Variants in TTL observed in about 807,000 individuals in gnomAD.
The protein encoded by TTL is tubulin--tyrosine ligase.
A neutral mutation model predicts 41.1 loss-of-function variants in TTL; 10 were observed. The observed-to-expected ratio is 0.24, with a 90% CI of 0.15 to 0.41. The LOEUF is 0.41. Ranked by LOEUF, TTL falls within the 10% of genes least tolerant of loss-of-function variation. The probability of loss-of-function intolerance (pLI) is 1.00; values close to 1 mark genes in which losing one functional copy is unlikely to be tolerated. For synonymous variants in TTL, 175 were observed against 175.5 expected (o/e 1.00, Z 0.02); for missense variants, 367 against 460.4 (o/e 0.80, Z 1.86).
rs1402933064 is a variant in TTL at position 112,528,613 on chromosome 2, A to T, written c.1020-68A>T. 2.1e-6 allele frequency: 3 copies of T among 1,399,096 alleles called. No individual in the cohort carries two copies. In the South Asian group the frequency reaches 3.5e-5, roughly 16 times the overall value. The allele number at this position is 1,399,096 out of a possible 1,614,324, so 86.7% of individuals were successfully genotyped here. On this transcript the variant is annotated intron_variant, in intron 6 of 6. Coordinates refer to ENST00000233336, the MANE Select transcript of TTL (RefSeq NM_153712.5). ...AGCAAAACCCTGTCTCAAAAACAAA[A>T]AACATCTATTTTTTTTGCTTGTACT... is the stretch of plus-strand genomic sequence containing the variant.
rs1183722833 is a variant in TTL at position 112,534,163 on chromosome 2, AC to A, written c.*5369del. ...GTGAAACCCCATCTCTACTAAAAAT[AC>A]AAAAAATTAGCCGGGCGCGGTGGCA... is the stretch of plus-strand genomic sequence containing the variant. On this transcript the variant is annotated 3_prime_UTR_variant, in exon 7 of 7. Transcript: ENST00000233336. 2 of 152,240 alleles carry A rather than the reference AC, an allele frequency of 1.3e-5. No homozygotes were observed. The highest frequency in any genetic ancestry group is 2.9e-5 in the Non-Finnish European group (2 of 68,178). 9.4% of individuals were successfully genotyped at this position (152,240 alleles called of 1,614,324 possible).
At chr2:112,498,047 G>C (rs1308009315) in intron 3 of TTL, among the ~76,000 whole-genome samples, 1 of 152,162 alleles carries the variant, frequency 6.6e-6, no homozygotes, top group East Asian at 1.9e-4. Flanking sequence ...TACTTAGCTG[G>C]GCGCAGTGGC....
intron 5 of TTL, among the ~76,000 whole-genome samples, chr2:112,514,034 C>T (rs1432765853): frequency 1.3e-5 from 2 of 152,078 alleles, no homozygotes; most frequent in Admixed American, 1.3e-4. Context: ...TGTTGTTTCT[C>T]TTCCTTTCCT....
chr2:112,489,510 A>C (rs1170823481), intron 2 of TTL, among the ~76,000 whole-genome samples: 1 of 152,194 alleles, frequency 6.6e-6, no homozygotes, highest in Admixed American at 6.5e-5. Context: ...AAATTCACCA[A>C]CTCTTGTGTT....
At position 112,539,799 on chromosome 2, in the gene TTL, T is replaced by A. The variant is rs927838252; in HGVS notation, c.*11004T>A. 2 of 152,214 alleles carry A rather than the reference T, an allele frequency of 1.3e-5. No individual in the cohort carries two copies. Among genetic ancestry groups the A allele is most frequent in the Non-Finnish European group, 2.9e-5 (2 of 68,040 alleles). 9.4% of individuals were successfully genotyped at this position (152,214 alleles called of 1,614,324 possible). On this transcript the variant is annotated 3_prime_UTR_variant, in exon 7 of 7. Coordinates refer to ENST00000233336, the MANE Select transcript of TTL (RefSeq NM_153712.5). Reference sequence around the variant, plus strand: ...AAAGTCCTAAGAAATCCACTTACGCTGTTAGAACTAATAAAGAGTTTAGCA... The same window carrying A: ...AAAGTCCTAAGAAATCCACTTACGCAGTTAGAACTAATAAAGAGTTTAGCA...
Position 112,531,687 on chromosome 2 carries a change from T to TAA in TTL, c.*2902_*2903dup. ...GAAGAATTGCATAAGGCTTATGACT[T>TAA]AAAAAAAAAAATTCTTTTTGGAAAC... On this transcript the variant is annotated 3_prime_UTR_variant, in exon 7 of 7. Transcript: ENST00000233336. 3.9e-5 allele frequency: 8 copies of TAA among 207,526 alleles called. No homozygotes were observed. Among genetic ancestry groups the TAA allele is most frequent in the East Asian group, 7.5e-5 (1 of 13,326 alleles). The allele number at this position is 207,526 out of a possible 1,614,324, so 12.9% of individuals were successfully genotyped here.
Position 112,528,874 on chromosome 2 carries a change from A to C in TTL, c.*79A>C. 1 of 1,183,300 alleles carries C rather than the reference A, an allele frequency of 8.5e-7. No individual in the cohort carries two copies. Among genetic ancestry groups the C allele is most frequent in the Non-Finnish European group, 1.3e-6 (1 of 790,578 alleles). The allele number at this position is 1,183,300 out of a possible 1,614,324, so 73.3% of individuals were successfully genotyped here. ...TGGTGAAATGACTGGATTGCTCTTTATCCAGCCCACAGCAGGGGAAAGAAA... is the reference window on the plus strand; with the variant it reads ...TGGTGAAATGACTGGATTGCTCTTTCTCCAGCCCACAGCAGGGGAAAGAAA... On this transcript the variant is annotated 3_prime_UTR_variant, in exon 7 of 7. Transcript: ENST00000233336.
chr2:112,512,895 A>G (rs1447849531), intron 5 of TTL, among the ~76,000 whole-genome samples: 1 of 146,884 alleles, frequency 6.8e-6, no homozygotes, highest in African/African-American at 2.5e-5. Context: ...TATGTGAAAT[A>G]TTTTTAGAGT....
At chr2:112,490,281 G>A (rs1056277473) in intron 2 of TTL, among the ~76,000 whole-genome samples, 25 of 152,114 alleles carry the variant, frequency 1.6e-4, no homozygotes, top group African/African-American at 5.8e-4. Context: ...AGCTGGGCAT[G>A]GTGGTGTGCG....
chr2:112,484,691 G>A (rs1681192367), intron 1 of TTL, among the ~76,000 whole-genome samples: 1 of 152,146 alleles, frequency 6.6e-6, no homozygotes, highest in Non-Finnish European at 1.5e-5. Context: ...AAGATTTATA[G>A]AGCTAGGTAA....
chr2:112,525,574 T>C (rs893782834), intron 6 of TTL, among the ~76,000 whole-genome samples: 1 of 152,262 alleles, frequency 6.6e-6, no homozygotes, highest in African/African-American at 2.4e-5. Context: ...AGTTCACTCA[T>C]GATTTGGCTG....
rs1030133968 is a variant in TTL at position 112,482,970 on chromosome 2, C to T, written c.157+469C>T. The stretch of plus-strand genomic sequence containing the variant: ...GGCGGGGGAGCCGTAGGTGTTGAAA[C>T]CCCTGAGGCTTCTGCCCCCCGAAGG... On this transcript the variant is annotated intron_variant, in intron 1 of 6. Coordinates refer to ENST00000233336, the MANE Select transcript of TTL (RefSeq NM_153712.5). The surrounding 1 kb of genome is among the most constrained non-coding windows in gnomAD (Gnocchi z 5.3). Among the ~76,000 whole-genome samples, 2 of 152,218 alleles carry T rather than the reference C, an allele frequency of 1.3e-5. No individual in the cohort carries two copies. The highest frequency in any genetic ancestry group is 2.4e-5 in the African/African-American group (1 of 41,452).
In TTL at chr2:112,529,320, G is replaced by T. The variant is rs140114530; in HGVS notation, c.*525G>T. 1 of 232,298 alleles carries T rather than the reference G, an allele frequency of 4.3e-6. No individual in the cohort carries two copies. Among genetic ancestry groups the T allele is most frequent in the African/African-American group, 2.2e-5 (1 of 45,302 alleles). The allele number at this position is 232,298 out of a possible 1,614,324, so 14.4% of individuals were successfully genotyped here. ...GTGCACTGGCCTCTCGGCAAAGGTG[G>T]TTTCCCTCATCACCTTCCTGATGGT... On this transcript the variant is annotated 3_prime_UTR_variant, in exon 7 of 7. Transcript: ENST00000233336.
In TTL at chr2:112,540,933, G is replaced by C. The variant is rs574181079; in HGVS notation, c.*12138G>C. On this transcript the variant is annotated 3_prime_UTR_variant, in exon 7 of 7. Coordinates refer to ENST00000233336, the MANE Select transcript of TTL (RefSeq NM_153712.5). ...CATGATTGAAAAATATCTAGTATTTGATAGCACAACAGGGTGACTGCAGTC... is the reference window on the plus strand; with the variant it reads ...CATGATTGAAAAATATCTAGTATTTCATAGCACAACAGGGTGACTGCAGTC... The C allele has an allele frequency of 2.0e-5, 3 of 152,288 alleles. No homozygotes were observed. Among genetic ancestry groups the C allele is most frequent in the African/African-American group, 7.2e-5 (3 of 41,568 alleles). The allele number at this position is 152,288 out of a possible 1,614,324, so 9.4% of individuals were successfully genotyped here. A position where few individuals can be genotyped will look rare whatever the true frequency, so the allele number is the denominator to read the frequency against.
At chr2:112,484,553 C>T (rs529056648) in intron 1 of TTL, among the ~76,000 whole-genome samples, 2 of 152,254 alleles carry the variant, frequency 1.3e-5, no homozygotes, top group African/African-American at 2.4e-5. Flanking sequence ...GCATGAACCA[C>T]CGTGCCCGGC....
intron 3 of TTL, among the ~76,000 whole-genome samples, chr2:112,500,675 A>T (rs1474658424): frequency 2.6e-5 from 4 of 152,302 alleles, no homozygotes; most frequent in African/African-American, 2.4e-5. Flanking sequence ...AAAAGGATAA[A>T]TTTTTTGGTA....
chr2:112,536,865 T>C lies in TTL; in HGVS notation c.*8070T>C, dbSNP rs1227799057. ...CTGCAAAGGACATGATTTCATTCTTTTTTATGGCTGCATAGTATTCCATGG... is the reference window on the plus strand; with the variant it reads ...CTGCAAAGGACATGATTTCATTCTTCTTTATGGCTGCATAGTATTCCATGG... On this transcript the variant is annotated 3_prime_UTR_variant, in exon 7 of 7. Coordinates refer to ENST00000233336, the MANE Select transcript of TTL (RefSeq NM_153712.5). 6.6e-6 allele frequency: 1 copy of C among 152,270 alleles called. No homozygotes were observed. The highest frequency in any genetic ancestry group is 1.5e-5 in the Non-Finnish European group (1 of 68,062). The allele number at this position is 152,270 out of a possible 1,614,324, so 9.4% of individuals were successfully genotyped here. A position where few individuals can be genotyped will look rare whatever the true frequency, so the allele number is the denominator to read the frequency against.
At chr2:112,489,722 G>A (rs552542420) in intron 2 of TTL, among the ~76,000 whole-genome samples, 1 of 152,274 alleles carries the variant, frequency 6.6e-6, no homozygotes, top group Admixed American at 6.5e-5. Flanking sequence ...AACTTATGAA[G>A]TTGGAACATA....
At chr2:112,527,915 C>G (rs948193779) in intron 6 of TTL, among the ~76,000 whole-genome samples, 2 of 152,176 alleles carry the variant, frequency 1.3e-5, no homozygotes, top group Non-Finnish European at 2.9e-5. Flanking sequence ...CATCTATGGT[C>G]TTTACAGTTT....
Sources: gnomAD v4.1 joint callset for allele counts (sites outside exome capture counted in the v4.1 genomes callset) on GRCh38, gnomAD v4.1.1 for gene constraint, Gnocchi (gnomAD v3.1) non-coding constraint, MANE v1.5 for transcripts, NCBI Gene and HGNC (gene_info 2026-07-23, HGNC 2026-07-21) for gene names.